Variants in SPRY3 observed in about 807,000 individuals in gnomAD.
The protein encoded by SPRY3 is sprouty RTK signaling antagonist 3.
In SPRY3, 15 loss-of-function variants were observed where a neutral mutation model predicts 20.2. That is an observed-to-expected ratio of 0.74 (90% CI 0.50 to 1.14). The LOEUF is 1.14. Ranked by LOEUF, SPRY3 falls within the 50% of genes most tolerant of loss-of-function variation. The pLI is 0.00. For synonymous variants in SPRY3, 143 were observed against 136.5 expected (o/e 1.05, Z -0.33); for missense variants, 364 against 363.9 (o/e 1.00, Z 0.00).
intron 1 of SPRY3, among the ~76,000 whole-genome samples, chrX:155,633,356 A>C (rs111922739): frequency 2.7e-3 from 265 of 97,428 alleles, no homozygotes; most frequent in Middle Eastern, 4.9e-3. Context: ...CTGGCTAACA[A>C]GGTGAAACCC....
intron 2 of SPRY3, among the ~76,000 whole-genome samples, chrX:155,658,800 G>A (rs782427388): frequency 9.0e-6 from 1 of 111,705 alleles, no homozygotes; most frequent in African/African-American, 3.3e-5. Flanking sequence ...TTACCCATTC[G>A]GTATGATGTT....
intron 2 of SPRY3, among the ~76,000 whole-genome samples, chrX:155,696,323 A>G (rs2068118714): frequency 1.8e-5 from 2 of 109,629 alleles, no homozygotes; most frequent in Non-Finnish European, 3.8e-5. Context: ...ATTGGTCCGT[A>G]CAGCACTTAT....
intron 1 of SPRY3, among the ~76,000 whole-genome samples, chrX:155,645,021 C>T (rs1345406919): frequency 9.1e-6 from 1 of 109,430 alleles, no homozygotes; most frequent in Non-Finnish European, 1.9e-5. Flanking sequence ...GCTGGTTATT[C>T]AGGACCCAAG....
intron 2 of SPRY3, among the ~76,000 whole-genome samples, chrX:155,745,363 G>A (rs1238305824): frequency 6.6e-6 from 1 of 152,042 alleles, no homozygotes; most frequent in Non-Finnish European, 1.5e-5. Context: ...CCATAAGGCT[G>A]GGGCCGGTAC....
At chrX:155,615,691 T>C (rs1557348796) in intron 1 of SPRY3, among the ~76,000 whole-genome samples, 1 of 111,613 alleles carries the variant, frequency 9.0e-6, no homozygotes, top group East Asian at 2.8e-4. Context: ...ATACAAAATT[T>C]TCCTCACCTA....
chrX:155,720,642 G>A (rs1392469502), intron 2 of SPRY3, among the ~76,000 whole-genome samples: 2 of 152,098 alleles, frequency 1.3e-5, no homozygotes, highest in African/African-American at 4.8e-5. Context: ...GGGAGAACAG[G>A]AGTTTCTGCC....
downstream of SPRY3, chrX:155,780,647 C>G (rs774016475): frequency 6.0e-6 from 1 of 166,886 alleles, no homozygotes; most frequent in African/African-American, 2.4e-5. Flanking sequence ...TGGGGATTCA[C>G]ACACCAAGGC....
intron 2 of SPRY3, among the ~76,000 whole-genome samples, chrX:155,671,157 GC>G (rs2068039363): frequency 8.9e-6 from 1 of 112,015 alleles, no homozygotes; most frequent in Non-Finnish European, 1.9e-5. Flanking sequence ...TAAGTTGGGG[GC>G]TGGGGATGTA....
intron 2 of SPRY3, among the ~76,000 whole-genome samples, chrX:155,694,706 T>G (rs1429581260): frequency 8.9e-6 from 1 of 111,957 alleles, no homozygotes; most frequent in African/African-American, 3.2e-5. Context: ...TGGAAGACAG[T>G]GACAGACCGC....
chrX:155,672,945 C>T (rs1320269092), intron 2 of SPRY3, among the ~76,000 whole-genome samples: 98 of 105,121 alleles, frequency 9.3e-4, no homozygotes, highest in Non-Finnish European at 1.4e-3. Flanking sequence ...AATCATCATT[C>T]GTAGTAAACT....
intron 2 of SPRY3, among the ~76,000 whole-genome samples, chrX:155,732,156 T>A (rs2091137142): frequency 6.6e-6 from 1 of 152,018 alleles, no homozygotes; most frequent in African/African-American, 2.4e-5. Flanking sequence ...TTCTGATGAG[T>A]CAGATGATTC....
At chrX:155,774,633 C>T in exon 4 of SPRY3, 1 of 1,613,968 alleles carries the variant, frequency 6.2e-7, no homozygotes. Context: ...GCTATGATAG[C>T]CTCCGGCGAC....
intron 2 of SPRY3, among the ~76,000 whole-genome samples, chrX:155,751,717 A>T (rs2091262916): frequency 1.0e-5 from 1 of 97,814 alleles, no homozygotes; most frequent in Non-Finnish European, 1.9e-5. Flanking sequence ...CAATTGCCAA[A>T]ATATTTCCCC....
chrX:155,617,011 T>G (rs2067856060), intron 1 of SPRY3, among the ~76,000 whole-genome samples: 1 of 108,027 alleles, frequency 9.3e-6, no homozygotes, highest in Admixed American at 1.0e-4. Context: ...AAGAATTCCC[T>G]TGAAGATGAC....
rs1468250754 is a variant in SPRY3, at chrX:155,740,476, G to A, written c.-281-27486G>A. On this transcript the variant is annotated intron_variant, in intron 2 of 3. Transcript: ENST00000675360. Reference sequence around the variant, plus strand: ...TATTAATAATTAAGACCCTGGGAAAGGAATGCATTCCTGGGTGGAGGTCTA... The same window carrying A: ...TATTAATAATTAAGACCCTGGGAAAAGAATGCATTCCTGGGTGGAGGTCTA... 3.9e-5 allele frequency among the ~76,000 whole-genome samples: 6 copies of A among 152,100 alleles called. No homozygotes were observed. The East Asian group carries it at 1.2e-3, about 29-fold the overall frequency.
intron 2 of SPRY3, among the ~76,000 whole-genome samples, chrX:155,705,045 T>A (rs2090940559): frequency 6.6e-6 from 1 of 151,514 alleles, no homozygotes; most frequent in Non-Finnish European, 1.5e-5. Context: ...CATATCAGAC[T>A]AAAATGTGGG....
chrX:155,624,230 T>G (rs1309163054), intron 1 of SPRY3, among the ~76,000 whole-genome samples: 3 of 111,884 alleles, frequency 2.7e-5, no homozygotes, highest in Non-Finnish European at 5.7e-5. Context: ...CTTTAGCAAT[T>G]CAATTAATGC....
At chrX:155,620,606 A>G (rs2124520096) in intron 1 of SPRY3, among the ~76,000 whole-genome samples, 1 of 112,090 alleles carries the variant, frequency 8.9e-6, no homozygotes, top group Admixed American at 9.5e-5. Flanking sequence ...GACAATTTAT[A>G]TAAAATTCTA....
intron 1 of SPRY3, among the ~76,000 whole-genome samples, chrX:155,617,752 C>G (rs1375053578): frequency 1.8e-5 from 2 of 111,808 alleles, no homozygotes; most frequent in Non-Finnish European, 3.8e-5. Context: ...TAAAACTACA[C>G]TTATCAAAAC....
Sources: allele counts gnomAD v4.1 joint callset (sites outside exome capture counted in the v4.1 genomes callset), GRCh38; gene constraint gnomAD v4.1.1; transcripts MANE v1.5; gene names NCBI Gene and HGNC (gene_info 2026-07-23, HGNC 2026-07-21).